Variants in TNFAIP8 observed in about 807,000 individuals in gnomAD.
The protein encoded by TNFAIP8 is TNF alpha induced protein 8.
In TNFAIP8, 7 loss-of-function variants were observed where a neutral mutation model predicts 13.3. The observed-to-expected ratio is 0.52, with a 90% CI of 0.30 to 0.99. TNFAIP8 has a LOEUF of 0.99. TNFAIP8 is among the 50% of genes least tolerant of loss of function. The probability of loss-of-function intolerance (pLI) is 0.07; values close to 1 mark genes in which losing one functional copy is unlikely to be tolerated. For synonymous variants in TNFAIP8, 94 were observed against 87.6 expected (o/e 1.07, Z -0.41); for missense variants, 258 against 236.9 (o/e 1.09, Z -0.58).
At chr5:119,309,142 TC>T (rs1370437332) in intron 1 of TNFAIP8, among the ~76,000 whole-genome samples, 1 of 152,202 alleles carries the variant, frequency 6.6e-6, no homozygotes, top group Non-Finnish European at 1.5e-5. Flanking sequence ...AACCACAACT[TC>T]CTTCCTCTGT....
At chr5:119,336,003 A>G (rs954641347) in intron 1 of TNFAIP8, among the ~76,000 whole-genome samples, 11 of 152,032 alleles carry the variant, frequency 7.2e-5, no homozygotes, top group African/African-American at 2.7e-4. Flanking sequence ...TCCTGGGGGA[A>G]GAACTTTCCA....
chr5:119,315,761 G>A (rs1333510521), intron 1 of TNFAIP8, among the ~76,000 whole-genome samples: 1 of 152,136 alleles, frequency 6.6e-6, no homozygotes, highest in East Asian at 1.9e-4. Flanking sequence ...CAGGTTCCTG[G>A]TAGTGTCGTC....
At chr5:119,358,945 T>C (rs772203749) in intron 1 of TNFAIP8, among the ~76,000 whole-genome samples, 1 of 152,170 alleles carries the variant, frequency 6.6e-6, no homozygotes, top group Non-Finnish European at 1.5e-5. Flanking sequence ...GCTCCTCCAT[T>C]GCCCATAGTA....
At chr5:119,338,165 G>GACACACACACACACACACACAC (rs367789572) in intron 1 of TNFAIP8, among the ~76,000 whole-genome samples, 5 of 125,248 alleles carry the variant, frequency 4.0e-5, no homozygotes, top group East Asian at 2.5e-4. Context: ...CTGGAACTTT[G>GACACACACACACACACACACAC]ACACACACAC....
intron 1 of TNFAIP8, among the ~76,000 whole-genome samples, chr5:119,374,866 A>G (rs1462642329): frequency 1.3e-5 from 2 of 152,182 alleles, no homozygotes; most frequent in Non-Finnish European, 2.9e-5. Context: ...CCCAACTTCT[A>G]CAAGTTTTTT....
intron 1 of TNFAIP8, among the ~76,000 whole-genome samples, chr5:119,292,667 T>TAC (rs1749026722): frequency 2.2e-5 from 1 of 44,478 alleles, no homozygotes; most frequent in African/African-American, 5.2e-5. Flanking sequence ...TATATATATA[T>TAC]ATATATATAT....
At chr5:119,319,249 G>T (rs938676473) in intron 1 of TNFAIP8, among the ~76,000 whole-genome samples, 1 of 152,138 alleles carries the variant, frequency 6.6e-6, no homozygotes, top group African/African-American at 2.4e-5. Flanking sequence ...ACTTCAGCCT[G>T]GGCAATGAAG....
intron 1 of TNFAIP8, among the ~76,000 whole-genome samples, chr5:119,314,211 C>G (rs748175537): frequency 1.3e-5 from 2 of 151,908 alleles, no homozygotes; most frequent in Non-Finnish European, 2.9e-5. Context: ...ACAAAAAAAC[C>G]ATGTCTGTCG....
rs927499872 is a variant in TNFAIP8 at position 119,395,553 on chromosome 5, G to C, written c.*2172G>C. On this transcript the variant is annotated 3_prime_UTR_variant, in exon 2 of 2. Coordinates refer to ENST00000504771, the MANE Select transcript of TNFAIP8 (RefSeq NM_014350.4). Reference sequence around the variant, plus strand: ...CTAGCAATCAAATGTGCATGGGATTGGGGGAGCAATGCTTCATCTCCCACA... The same window carrying C: ...CTAGCAATCAAATGTGCATGGGATTCGGGGAGCAATGCTTCATCTCCCACA... 2 of 152,252 alleles carry C rather than the reference G, an allele frequency of 1.3e-5. No individual in the cohort carries two copies. The highest frequency in any genetic ancestry group is 2.4e-5 in the African/African-American group (1 of 41,448). The allele number at this position is 152,252 out of a possible 1,614,324, so 9.4% of individuals were successfully genotyped here.
chr5:119,357,502 T>G (rs920261451), intron 1 of TNFAIP8, among the ~76,000 whole-genome samples: 2 of 152,156 alleles, frequency 1.3e-5, no homozygotes, highest in Admixed American at 6.5e-5. Flanking sequence ...TGGCGTTTTC[T>G]CTCAGGTGTG....
chr5:119,347,099 A>T (rs914080865), intron 1 of TNFAIP8, among the ~76,000 whole-genome samples: 4 of 152,302 alleles, frequency 2.6e-5, no homozygotes, highest in East Asian at 1.9e-4. Context: ...AAGACCAGAT[A>T]CTAGAGTTAG....
chr5:119,318,527 C>T (rs1467762320), intron 1 of TNFAIP8, among the ~76,000 whole-genome samples: 1 of 152,136 alleles, frequency 6.6e-6, no homozygotes, highest in Non-Finnish European at 1.5e-5. Flanking sequence ...AACTCCTTGA[C>T]TCAAGTGAAC....
At chr5:119,333,050 T>G (rs537322129) in intron 1 of TNFAIP8, 1 of 258,760 alleles carries the variant, frequency 3.9e-6, no homozygotes, top group African/African-American at 2.3e-5. Flanking sequence ...GAGGTGTTTT[T>G]TTTATTTTCT....
At chr5:119,316,977 C>T (rs1210814976) in intron 1 of TNFAIP8, among the ~76,000 whole-genome samples, 1 of 152,154 alleles carries the variant, frequency 6.6e-6, no homozygotes, top group East Asian at 1.9e-4. Flanking sequence ...AGAACCAAGG[C>T]TGAGAAACAA....
upstream of TNFAIP8, among the ~76,000 whole-genome samples, chr5:119,351,622 G>A (rs1391682403): frequency 3.9e-5 from 6 of 152,098 alleles, no homozygotes; most frequent in Non-Finnish European, 8.8e-5. Context: ...TAGCCCCATC[G>A]CTAAGTTGAG....
intron 1 of TNFAIP8, among the ~76,000 whole-genome samples, chr5:119,301,206 G>T (rs1359668049): frequency 6.6e-6 from 1 of 152,166 alleles, no homozygotes; most frequent in Non-Finnish European, 1.5e-5. Flanking sequence ...TCGTAGTTTG[G>T]TGTTCAGAGC....
chr5:119,273,492 T>C (rs1436134613), intron 1 of TNFAIP8, among the ~76,000 whole-genome samples: 1 of 152,170 alleles, frequency 6.6e-6, no homozygotes, highest in African/African-American at 2.4e-5. Context: ...ATAAGGGAAA[T>C]GTCACCGCTG....
At chr5:119,389,195 G>T (rs1469614305) in intron 1 of TNFAIP8, among the ~76,000 whole-genome samples, 1 of 152,200 alleles carries the variant, frequency 6.6e-6, no homozygotes, top group African/African-American at 2.4e-5. Flanking sequence ...AGATCATAAA[G>T]AGTGAAAGAG....
intron 1 of TNFAIP8, among the ~76,000 whole-genome samples, chr5:119,281,287 T>TACACACACACACAC (rs1554167569): frequency 1.8e-5 from 2 of 112,396 alleles, no homozygotes; most frequent in Admixed American, 9.5e-5. Context: ...CACACACACA[T>TACACACACACACAC]ACACACACAC....
Sources: allele counts gnomAD v4.1 joint callset (sites outside exome capture counted in the v4.1 genomes callset), GRCh38; gene constraint gnomAD v4.1.1; transcripts MANE v1.5; gene names NCBI Gene and HGNC (gene_info 2026-07-23, HGNC 2026-07-21).